TMOD1: variants seen among roughly 807,000 people sequenced by gnomAD.
The protein encoded by TMOD1 is tropomodulin-1.
A neutral mutation model predicts 40.6 loss-of-function variants in TMOD1; 17 were observed. The ratio of observed to expected loss-of-function variants is 0.42; its 90% CI spans 0.29 to 0.63. TMOD1 has a LOEUF of 0.63. TMOD1 is among the 20% of genes least tolerant of loss of function. TMOD1 has a pLI of 0.22. For missense variants in TMOD1, 391 were observed against 447.6 expected (o/e 0.87, Z 1.14); for synonymous variants, 181 against 175.0 (o/e 1.03, Z -0.27).
chr9:97,536,167 G>T (rs1244150714), intron 2 of TMOD1, among the ~76,000 whole-genome samples: 3 of 152,198 alleles, frequency 2.0e-5, no homozygotes, highest in African/African-American at 7.2e-5. Flanking sequence ...TCTGTATATT[G>T]GGATGGGACC....
Position 97,601,630 on chromosome 9 carries a change from A to C in TMOD1, c.*1932A>C. ...TTTCTGTAAAAGGCCAGACAGTAAA[A>C]ATTTCCGATTTTGCAGGCCACATAG... On this transcript the variant is annotated 3_prime_UTR_variant, in exon 10 of 10. Transcript: ENST00000259365. 1 of 984,046 alleles carries C rather than the reference A, an allele frequency of 1.0e-6. No homozygotes were observed. Among genetic ancestry groups the C allele is most frequent in the Non-Finnish European group, 1.2e-6 (1 of 828,360 alleles). 61.0% of individuals were successfully genotyped at this position (984,046 alleles called of 1,614,324 possible).
intron 2 of TMOD1, among the ~76,000 whole-genome samples, chr9:97,532,658 C>G (rs544958503): frequency 1.3e-5 from 2 of 152,070 alleles, no homozygotes; most frequent in South Asian, 4.2e-4. Context: ...AATTTAAACC[C>G]TGCCTTTCTG....
In TMOD1 at chr9:97,546,300, A is replaced by G. The variant is rs758007493; in HGVS notation, c.236A>G (p.Lys79Arg). The G allele has an allele frequency of 1.4e-5, 22 of 1,614,138 alleles. No homozygotes were observed. The highest frequency in any genetic ancestry group is 1.9e-5 in the Non-Finnish European group (22 of 1,180,012). ...TTGGAAAAGCAAGCAAAGGAGTTTA[A>G]GGACCGAGAAGATCTGGTCCCCTAC... The part of the protein sequence containing the change: ...DHLEKQAKEF[K>R]DREDLVPYTG... Residue 79 changes from lysine to arginine, a missense_variant, in exon 3 of 10, where the codon AAG becomes AGG. Transcript: ENST00000259365.
chr9:97,544,767 G>A (rs1830334580), intron 2 of TMOD1, among the ~76,000 whole-genome samples: 1 of 152,000 alleles, frequency 6.6e-6, no homozygotes, highest in African/African-American at 2.4e-5. Flanking sequence ...CAGCACTTTG[G>A]GAGGCCAAGG....
chr9:97,545,033 G>A (rs1830339739), intron 2 of TMOD1, among the ~76,000 whole-genome samples: 2 of 150,764 alleles, frequency 1.3e-5, no homozygotes, highest in Admixed American at 1.3e-4. Context: ...AAAAAGGTTG[G>A]AGGTGGAATG....
chr9:97,546,060 A>G lies in TMOD1; in HGVS notation c.121-125A>G, dbSNP rs1830355154. On this transcript the variant is annotated intron_variant, in intron 2 of 9. Coordinates refer to ENST00000259365, the MANE Select transcript of TMOD1 (RefSeq NM_003275.4). The stretch of plus-strand genomic sequence containing the variant: ...AACGAGGAACACCATGGATTCCATG[A>G]GCTCTGAGGTCCCTTCTGTTCGATG... 3 of 1,132,438 alleles carry G rather than the reference A, an allele frequency of 2.6e-6. No individual in the cohort carries two copies. In the African/African-American group the frequency reaches 4.7e-5, roughly 18 times the overall value. 70.1% of individuals were successfully genotyped at this position (1,132,438 alleles called of 1,614,324 possible). A position where few individuals can be genotyped will look rare whatever the true frequency, so the allele number is the denominator to read the frequency against.
Position 97,599,890 on chromosome 9 carries a change from TTTC to T in TMOD1, c.*195_*197del. 1 of 1,370,768 alleles carries T rather than the reference TTTC, an allele frequency of 7.3e-7. No individual in the cohort carries two copies. Among genetic ancestry groups the T allele is most frequent in the Non-Finnish European group, 9.5e-7 (1 of 1,056,382 alleles). 84.9% of individuals were successfully genotyped at this position (1,370,768 alleles called of 1,614,324 possible). A position where few individuals can be genotyped will look rare whatever the true frequency, so the allele number is the denominator to read the frequency against. On this transcript the variant is annotated 3_prime_UTR_variant, in exon 10 of 10. Coordinates refer to ENST00000259365, the MANE Select transcript of TMOD1 (RefSeq NM_003275.4). Reference sequence around the variant, plus strand: ...TATAAAATACCGTTAATGTGAAGTTTTTCTTTAGTCACAGAAGTTGAATCTGGT... The same window carrying T: ...TATAAAATACCGTTAATGTGAAGTTTTTTAGTCACAGAAGTTGAATCTGGT...
At chr9:97,549,960 A>C (rs1336422285) in intron 3 of TMOD1, among the ~76,000 whole-genome samples, 1 of 152,174 alleles carries the variant, frequency 6.6e-6, no homozygotes, top group African/African-American at 2.4e-5. Context: ...ACAATCCACA[A>C]CATTGTGCAA....
In TMOD1 at chr9:97,601,254, A is replaced by C. The variant is rs1826252019; in HGVS notation, c.*1556A>C. ...TAATATTAAATCTGTTGGTCTATGC[A>C]TGGCTGCGTATGTGTTTCTTGGAAC... On this transcript the variant is annotated 3_prime_UTR_variant, in exon 10 of 10. Coordinates refer to ENST00000259365, the MANE Select transcript of TMOD1 (RefSeq NM_003275.4). The C allele has an allele frequency of 8.2e-7, 1 of 1,217,246 alleles. No homozygotes were observed. The highest frequency in any genetic ancestry group is 1.1e-6 in the Non-Finnish European group (1 of 943,086). 75.4% of individuals were successfully genotyped at this position (1,217,246 alleles called of 1,614,324 possible).
At chr9:97,575,944 C>G (rs1022514013) in intron 8 of TMOD1, among the ~76,000 whole-genome samples, 3 of 152,218 alleles carry the variant, frequency 2.0e-5, no homozygotes, top group African/African-American at 7.2e-5. Flanking sequence ...TTGAAAGCGC[C>G]TATCTTTCAA....
chr9:97,572,019 A>G (rs1830825856), intron 8 of TMOD1, among the ~76,000 whole-genome samples: 1 of 152,226 alleles, frequency 6.6e-6, no homozygotes, highest in African/African-American at 2.4e-5. Context: ...AATGACCATC[A>G]TACCAGGTGC....
chr9:97,504,079 A>G (rs1829549264), intron 1 of TMOD1, among the ~76,000 whole-genome samples: 2 of 152,054 alleles, frequency 1.3e-5, no homozygotes, highest in African/African-American at 4.8e-5. Flanking sequence ...AGTGACTTAG[A>G]CCAGGGTATT....
intron 1 of TMOD1, among the ~76,000 whole-genome samples, chr9:97,521,625 G>A (rs1419313249): frequency 6.6e-6 from 1 of 152,182 alleles, no homozygotes; most frequent in African/African-American, 2.4e-5. Context: ...TAATAGAAAT[G>A]GATCAAGTGA....
At chr9:97,535,742 G>A (rs188080576) in intron 2 of TMOD1, among the ~76,000 whole-genome samples, 6 of 152,324 alleles carry the variant, frequency 3.9e-5, no homozygotes, top group East Asian at 1.9e-4. Context: ...TGACAAATAG[G>A]TACCACCACA....
At chr9:97,573,447 T>C (rs1261024188) in intron 8 of TMOD1, among the ~76,000 whole-genome samples, 7 of 152,244 alleles carry the variant, frequency 4.6e-5, no homozygotes, top group African/African-American at 1.7e-4. Context: ...GATTGGATGA[T>C]TTGTGTCTGG....
rs369318913 is a variant in TMOD1 at position 97,574,260 on chromosome 9, C to G, written c.870+5223C>G. On this transcript the variant is annotated intron_variant, in intron 8 of 9. Coordinates refer to ENST00000259365, the MANE Select transcript of TMOD1 (RefSeq NM_003275.4). ...GAACCAGGGCTGTGCGCGGCGCTTG[C>G]GGGCCAGCGCGTGTTCCGGGTGGGC... is the stretch of plus-strand genomic sequence containing the variant. 3.8e-4 allele frequency among the ~76,000 whole-genome samples: 58 copies of G among 152,054 alleles called. No individual in the cohort carries two copies. The East Asian group carries it at 8.7e-3, about 23-fold the overall frequency.
intron 4 of TMOD1, chr9:97,555,777 ACT>A: frequency 8.1e-7 from 1 of 1,235,390 alleles, no homozygotes; most frequent in South Asian, 1.3e-5. Flanking sequence ...AAATTTTATT[ACT>A]GTCCCCATTT....
intron 8 of TMOD1, among the ~76,000 whole-genome samples, chr9:97,580,986 A>AT (rs1321983621): frequency 2.4e-5 from 3 of 125,270 alleles, no homozygotes; most frequent in African/African-American, 6.0e-5. Flanking sequence ...ATTTTATTTT[A>AT]TTTCTTTTTT....
At chr9:97,515,384 A>G (rs1394622334) in intron 1 of TMOD1, among the ~76,000 whole-genome samples, 1 of 152,070 alleles carries the variant, frequency 6.6e-6, no homozygotes, top group Non-Finnish European at 1.5e-5. Context: ...GGCTCAAGCA[A>G]TCCTCCCACC....
Sources: allele counts gnomAD v4.1 joint callset (sites outside exome capture counted in the v4.1 genomes callset), GRCh38; gene constraint gnomAD v4.1.1; transcripts MANE v1.5; gene names NCBI Gene and HGNC (gene_info 2026-07-23, HGNC 2026-07-21).